Variants in NUP160 observed in about 807,000 individuals in gnomAD.
NUP160 encodes the protein nucleoporin 160.
Under a neutral mutation model 196.9 loss-of-function variants are expected in NUP160, and 94 were observed. The observed-to-expected ratio is 0.48, with a 90% CI of 0.40 to 0.57. NUP160 has a LOEUF of 0.57. NUP160 is among the 20% of genes least tolerant of loss of function. The pLI is 0.00. For synonymous variants in NUP160, 605 were observed against 619.7 expected, an observed-to-expected ratio of 0.98 and a Z score of 0.35; for missense variants, 1,638 against 1,748.3, an observed-to-expected ratio of 0.94 and a Z score of 1.13.
intron 2 of NUP160, among the ~76,000 whole-genome samples, chr11:47,844,429 T>C (rs1244392894): frequency 6.6e-6 from 1 of 152,122 alleles, no homozygotes; most frequent in East Asian, 1.9e-4. Flanking sequence ...ACTATCTCTT[T>C]CTTATTATTC....
In NUP160 at chr11:47,844,447, T is replaced by TG. The variant is rs557460167; in HGVS notation, c.314+3400dup. 6.1e-3 allele frequency among the ~76,000 whole-genome samples: 934 copies of TG among 152,292 alleles called. 7 individuals are homozygous for TG. The highest frequency in any genetic ancestry group is 0.01 in the Middle Eastern group (3 of 294). On this transcript the variant is annotated intron_variant, in intron 2 of 35. Transcript: ENST00000378460. ...ATCTCTTTCTTATTATTCTACCCTTTGTTCACTCAGCTGCAGACTCCTGGC... is the reference window on the plus strand; with the variant it reads ...ATCTCTTTCTTATTATTCTACCCTTTGGTTCACTCAGCTGCAGACTCCTGGC...
intron 25 of NUP160, 31 bp downstream of exon 25, chr11:47,798,137 T>C (rs1228105714): frequency 1.3e-6 from 2 of 1,569,158 alleles, no homozygotes; most frequent in African/African-American, 2.7e-5. Flanking sequence ...AGTTGGTAAA[T>C]TGTCTTCTCT....
chr11:47,781,704 T>C (rs2097660949), intron 34 of NUP160, among the ~76,000 whole-genome samples: 2 of 152,108 alleles, frequency 1.3e-5, no homozygotes, highest in African/African-American at 4.8e-5. Flanking sequence ...AAAACATTCC[T>C]TCATAAGGCT....
intron 11 of NUP160, among the ~76,000 whole-genome samples, chr11:47,817,292 CT>C (rs1242530943): frequency 1.3e-5 from 2 of 151,318 alleles, no homozygotes; most frequent in Non-Finnish European, 2.9e-5. Flanking sequence ...CCAAAGAATC[CT>C]TTTGTAAAGC....
intron 23 of NUP160, among the ~76,000 whole-genome samples, chr11:47,800,095 AAT>A (rs2097673293): frequency 6.6e-6 from 1 of 151,926 alleles, no homozygotes; most frequent in Non-Finnish European, 1.5e-5. Flanking sequence ...CCCTACCAAA[AAT>A]ACAAAAATTA....
At chr11:47,829,976 G>A (rs1426835270) in intron 7 of NUP160, among the ~76,000 whole-genome samples, 1 of 152,126 alleles carries the variant, frequency 6.6e-6, no homozygotes, top group Admixed American at 6.5e-5. Flanking sequence ...TGCATCTGAC[G>A]AGGGTCTGAT....
chr11:47,848,512 GC>G (rs369800972), upstream of NUP160: 35 of 983,470 alleles, frequency 3.6e-5, 1 homozygote, highest in African/African-American at 5.6e-4. Context: ...AGAGAAGGGG[GC>G]AGGGGAGGCA....
At chr11:47,806,256 T>C (rs187041749) in exon 20 of NUP160, 5 of 1,613,590 alleles carry the variant, frequency 3.1e-6, no homozygotes, top group Admixed American at 1.7e-5. Flanking sequence ...TGAGATATAA[T>C]GTGTTTTCTT....
intron 4 of NUP160, 135 bp downstream of exon 4, chr11:47,839,708 A>C (rs1852256096): frequency 1.2e-5 from 9 of 749,844 alleles, no homozygotes; most frequent in Non-Finnish European, 2.1e-5. Context: ...TTAGGGACTC[A>C]TTAGGCAAGC....
At chr11:47,802,435 T>C (rs1333084624) in intron 22 of NUP160, among the ~76,000 whole-genome samples, 2 of 150,778 alleles carry the variant, frequency 1.3e-5, no homozygotes, top group African/African-American at 2.4e-5. Context: ...CAAGACTGTC[T>C]CCAAAAAAAA....
chr11:47,848,183 C>T (rs779637078), intron 1 of NUP160, 36 bp downstream of exon 1: 1 of 1,610,068 alleles, frequency 6.2e-7, no homozygotes, highest in East Asian at 2.2e-5. Flanking sequence ...CCCGAGGGGA[C>T]AGATGGGATC....
chr11:47,810,577 C>T (rs548979392), intron 17 of NUP160, among the ~76,000 whole-genome samples: 3 of 149,442 alleles, frequency 2.0e-5, no homozygotes, highest in South Asian at 2.1e-4. Flanking sequence ...GACAGAATCT[C>T]GCTCTGTCAC....
chr11:47,795,501 C>T (rs779796894), intron 27 of NUP160, among the ~76,000 whole-genome samples: 1 of 151,844 alleles, frequency 6.6e-6, no homozygotes, highest in Non-Finnish European at 1.5e-5. Flanking sequence ...ATGAATAAAC[C>T]CCATCTACTT....
chr11:47,840,594 G>GA lies in NUP160; in HGVS notation c.315-7dup, dbSNP rs759806959. On this transcript the variant is annotated splice_polypyrimidine_tract_variant and splice_region_variant and intron_variant, in intron 2 of 35. Coordinates refer to ENST00000378460, the Ensembl canonical transcript of NUP160. ...ATGTATCTCCAGAGGTCTTCCTGTTGAAAAAGAGACATTTGTTTGAAAAGT... is the reference window on the plus strand; with the variant it reads ...ATGTATCTCCAGAGGTCTTCCTGTTGAAAAAAGAGACATTTGTTTGAAAAGT... 6.4e-7 allele frequency: 1 copy of GA among 1,563,260 alleles called. No homozygotes were observed. The highest frequency in any genetic ancestry group is 2.3e-5 in the East Asian group (1 of 44,416).
Position 47,812,492 on chromosome 11 carries a change from C to T in NUP160, c.1953-63G>A. The T allele has an allele frequency of 3.4e-6, 5 of 1,458,468 alleles. No homozygotes were observed. In the Admixed American group the frequency reaches 8.0e-5, roughly 23 times the overall value. 90.3% of individuals were successfully genotyped at this position (1,458,468 alleles called of 1,614,324 possible). On this transcript the variant is annotated intron_variant, in intron 15 of 35. Coordinates refer to ENST00000378460, the Ensembl canonical transcript of NUP160. ...AATACGTAAGGCAAGTTCTATATGTCCTATAAGCTAAATACATTATGAAAC... is the reference window on the plus strand; with the variant it reads ...AATACGTAAGGCAAGTTCTATATGTTCTATAAGCTAAATACATTATGAAAC...
At chr11:47,825,744 A>G (rs1851954027) in intron 7 of NUP160, among the ~76,000 whole-genome samples, 1 of 151,920 alleles carries the variant, frequency 6.6e-6, no homozygotes, top group Non-Finnish European at 1.5e-5. Flanking sequence ...TGAGCCATAC[A>G]GCCTAATTTT....
At chr11:47,790,268 G>A (rs1176753280) in intron 29 of NUP160, among the ~76,000 whole-genome samples, 2 of 147,696 alleles carry the variant, frequency 1.4e-5, no homozygotes, top group Middle Eastern at 3.8e-3. Flanking sequence ...TCTTGGTTGT[G>A]GTTGTTTTGA....
At chr11:47,840,263 G>C in intron 3 of NUP160, 115 bp downstream of exon 3, 1 of 939,114 alleles carries the variant, frequency 1.1e-6, no homozygotes, top group Non-Finnish European at 1.7e-6. Flanking sequence ...TATGCTTGGT[G>C]AGGGATAACG....
At chr11:47,836,324 T>C (rs540438648) in intron 6 of NUP160, among the ~76,000 whole-genome samples, 1 of 152,334 alleles carries the variant, frequency 6.6e-6, no homozygotes, top group Admixed American at 6.5e-5. Context: ...ATCAGACTTA[T>C]ATAAAATATA....
Sources: allele counts gnomAD v4.1 joint callset (sites outside exome capture counted in the v4.1 genomes callset), GRCh38; gene constraint gnomAD v4.1.1; transcripts MANE v1.5; gene names NCBI Gene and HGNC (gene_info 2026-07-23, HGNC 2026-07-21).